OPCML: variants seen among roughly 807,000 people sequenced by gnomAD.
OPCML encodes the protein opioid binding protein/cell adhesion molecule like.
A neutral mutation model predicts 37.8 loss-of-function variants in OPCML; 13 were observed. The ratio of observed to expected loss-of-function variants is 0.34; its 90% CI spans 0.22 to 0.55. The LOEUF (loss-of-function observed/expected upper bound fraction) is 0.55. OPCML is among the 20% of genes least tolerant of loss of function. The probability of loss-of-function intolerance (pLI) is 0.91; values close to 1 mark genes in which losing one functional copy is unlikely to be tolerated. For missense variants in OPCML, 341 were observed against 435.6 expected, an observed-to-expected ratio of 0.78 and a Z score of 1.93; for synonymous variants, 176 against 168.8, an observed-to-expected ratio of 1.04 and a Z score of -0.33.
intron 1 of OPCML, among the ~76,000 whole-genome samples, chr11:133,037,407 C>T (rs1947802220): frequency 6.6e-6 from 1 of 152,196 alleles, no homozygotes; most frequent in South Asian, 2.1e-4. Flanking sequence ...GGACCATCTG[C>T]AGAGTCTTTC....
At chr11:132,748,970 G>A (rs1181728941) in intron 2 of OPCML, among the ~76,000 whole-genome samples, 2 of 152,166 alleles carry the variant, frequency 1.3e-5, no homozygotes, top group African/African-American at 4.8e-5. Flanking sequence ...TGGATTGAAT[G>A]TTTGTGCCTT....
intron 1 of OPCML, among the ~76,000 whole-genome samples, chr11:133,418,852 C>T (rs1182472038): frequency 2.6e-5 from 4 of 152,102 alleles, no homozygotes; most frequent in Admixed American, 2.0e-4. Context: ...TATTTTAGAA[C>T]CCAAGATTGA....
intron 1 of OPCML, among the ~76,000 whole-genome samples, chr11:132,959,357 C>G (rs917968828): frequency 9.2e-5 from 14 of 152,312 alleles, no homozygotes; most frequent in African/African-American, 3.4e-4. Context: ...GAGATGGAAA[C>G]TACCCTCGGT....
At chr11:133,082,928 C>A (rs1166491847) in intron 1 of OPCML, among the ~76,000 whole-genome samples, 2 of 150,482 alleles carry the variant, frequency 1.3e-5, no homozygotes, top group East Asian at 2.0e-4. Flanking sequence ...CGCCAGGGGC[C>A]GGGGCGGACG....
rs182405271 is a variant in OPCML, at chr11:133,155,068, T to A, written c.62-212058A>T. On this transcript the variant is annotated intron_variant, in intron 1 of 7. Coordinates refer to ENST00000524381, the MANE Select transcript of OPCML (RefSeq NM_001012393.5). ...GTATGTACTTGAGGGGAAATTCACC[T>A]CTTATGCTACTGGGAAGGTCTCTTA... is the stretch of plus-strand genomic sequence containing the variant. 3.2e-3 allele frequency among the ~76,000 whole-genome samples: 488 copies of A among 152,216 alleles called. 2 individuals carry two copies. Among genetic ancestry groups the A allele is most frequent in the African/African-American group, 0.01 (430 of 41,524 alleles).
intron 1 of OPCML, among the ~76,000 whole-genome samples, chr11:133,159,279 T>C (rs1950109902): frequency 6.6e-6 from 1 of 152,060 alleles, no homozygotes; most frequent in Non-Finnish European, 1.5e-5. Context: ...CTGGCTCCTG[T>C]GGAAAGGGAG....
chr11:133,383,354 A>G (rs1458465773), intron 1 of OPCML, among the ~76,000 whole-genome samples: 1 of 152,124 alleles, frequency 6.6e-6, no homozygotes, highest in Non-Finnish European at 1.5e-5. Context: ...ATCTGATCAC[A>G]TCGTTGTCCT....
intron 1 of OPCML, among the ~76,000 whole-genome samples, chr11:133,053,278 C>A (rs905959749): frequency 2.6e-5 from 4 of 152,160 alleles, no homozygotes; most frequent in Non-Finnish European, 4.4e-5. Flanking sequence ...ACATGGTAAG[C>A]CCTCAACGCA....
chr11:133,091,226 C>T (rs1265134704), intron 1 of OPCML, among the ~76,000 whole-genome samples: 1 of 152,158 alleles, frequency 6.6e-6, no homozygotes, highest in African/African-American at 2.4e-5. Flanking sequence ...GTAGAGTTCA[C>T]GAGCTGTGAG....
intron 1 of OPCML, among the ~76,000 whole-genome samples, chr11:133,381,768 C>G (rs1188974648): frequency 6.6e-6 from 1 of 152,212 alleles, no homozygotes; most frequent in African/African-American, 2.4e-5. Context: ...AGGATTTGTT[C>G]TTCCAAGTTC....
rs1437343202 is a variant in OPCML, at chr11:133,212,459, C to G, written c.62-269449G>C. Among the ~76,000 whole-genome samples, 1 of 152,182 alleles carries G rather than the reference C, an allele frequency of 6.6e-6. No individual in the cohort carries two copies. The highest frequency in any genetic ancestry group is 1.5e-5 in the Non-Finnish European group (1 of 68,038). On this transcript the variant is annotated intron_variant, in intron 1 of 7. Transcript: ENST00000524381. This position sits in a 1 kb window ranked among gnomAD's most constrained non-coding sequence, Gnocchi z 4.9. ...GGAAAGCTCTTTCCCCATGCCTGGTCAACCCCTCACCTTCCTCAAGTCTTT... is the reference window on the plus strand; with the variant it reads ...GGAAAGCTCTTTCCCCATGCCTGGTGAACCCCTCACCTTCCTCAAGTCTTT...
intron 2 of OPCML, among the ~76,000 whole-genome samples, chr11:132,788,183 T>C (rs1937643797): frequency 6.6e-6 from 1 of 152,166 alleles, no homozygotes; most frequent in Non-Finnish European, 1.5e-5. Flanking sequence ...CTGGCCCACT[T>C]GATGATTTTA....
intron 1 of OPCML, among the ~76,000 whole-genome samples, chr11:133,045,146 T>C (rs989821582): frequency 6.6e-6 from 1 of 152,152 alleles, no homozygotes; most frequent in Non-Finnish European, 1.5e-5. Flanking sequence ...TACCCCCGGC[T>C]CTGCTCCAAA....
In OPCML at chr11:132,436,647, T is replaced by C; in HGVS notation, c.764+12A>G. 16 of 1,614,084 alleles carry C rather than the reference T, an allele frequency of 9.9e-6. No individual in the cohort carries two copies. Among genetic ancestry groups the C allele is most frequent in the Non-Finnish European group, 1.4e-5 (16 of 1,179,938 alleles). ...CTGCTTCAGAACTGTCCAGGTGTCA[T>C]TTAAAAGGTACCTGGTTTCTTCCTT... On this transcript the variant is annotated intron_variant, in intron 6 of 7. Coordinates refer to ENST00000524381, the MANE Select transcript of OPCML (RefSeq NM_001012393.5).
At chr11:132,784,239 T>C (rs2136160274) in intron 2 of OPCML, among the ~76,000 whole-genome samples, 1 of 152,288 alleles carries the variant, frequency 6.6e-6, no homozygotes, top group Non-Finnish European at 1.5e-5. Flanking sequence ...ACAATTTGCC[T>C]TAACTAACCA....
chr11:133,058,895 C>A (rs1333265331), intron 1 of OPCML, among the ~76,000 whole-genome samples: 2 of 152,188 alleles, frequency 1.3e-5, no homozygotes, highest in African/African-American at 4.8e-5. Context: ...TGTGAAGATG[C>A]CCACAGGGAG....
intron 2 of OPCML, among the ~76,000 whole-genome samples, chr11:132,880,894 A>G (rs191910553): frequency 1.3e-5 from 2 of 152,292 alleles, no homozygotes; most frequent in Admixed American, 1.3e-4. Flanking sequence ...CTGGAGTTTG[A>G]TATTGCTTTA....
At chr11:132,649,928 TACACACACACACAC>T (rs61282644) in intron 3 of OPCML, among the ~76,000 whole-genome samples, 1 of 147,868 alleles carries the variant, frequency 6.8e-6, no homozygotes, top group East Asian at 2.0e-4. Context: ...CACGCACTGT[TACACACACACACAC>T]ACACACACAC....
intron 1 of OPCML, chr11:133,299,869 G>A (rs1023515852): frequency 4.6e-5 from 7 of 152,088 alleles, no homozygotes; most frequent in African/African-American, 1.4e-4. Context: ...ATTAAATACC[G>A]CCACGACCAC....
Sources: allele counts gnomAD v4.1 joint callset (sites outside exome capture counted in the v4.1 genomes callset), GRCh38; gene constraint gnomAD v4.1.1; non-coding constraint Gnocchi (gnomAD v3.1); transcripts MANE v1.5; gene names NCBI Gene and HGNC (gene_info 2026-07-23, HGNC 2026-07-21).